The following DNAH9 variants were observed in gnomAD, a reference collection of about 807,000 sequenced individuals.
DNAH9 encodes DNAH9 variant protein.
A neutral mutation model predicts 471.6 loss-of-function variants in DNAH9; 345 were observed. The observed-to-expected ratio is 0.73, with a 90% confidence interval of 0.67 to 0.80. DNAH9 has a LOEUF of 0.80. DNAH9 is among the 30% of genes least tolerant of loss of function. The pLI, the probability that DNAH9 is intolerant of heterozygous loss-of-function variation, is 0.00. For missense variants in DNAH9, 5,407 were observed against 5,609.2 expected, an observed-to-expected ratio of 0.96 and a Z score of 1.15; for synonymous variants, 2,093 against 2,123.6, an observed-to-expected ratio of 0.99 and a Z score of 0.40.
Position 11,619,556 on chromosome 17 carries a change from T to G in DNAH9, c.1125T>G (p.Asn375Lys). The G allele has an allele frequency of 6.2e-7, 1 of 1,608,968 alleles. No individual in the cohort carries two copies. Among genetic ancestry groups the G allele is most frequent in the Non-Finnish European group, 8.5e-7 (1 of 1,175,286 alleles). ...ATCTGTTTGTATACCAGGCCTCTAA[T>G]TATCTCAGCCCAGAAGACCTGCTGA... ...ICNLLIQQAS[N>K]YLSPEDLLRS... is the part of the protein sequence containing the mutation. The change falls in exon 6 of 69, where the codon AAT becomes AAG. Residue 375 changes from asparagine (N) to lysine (K), a missense_variant. This residue lies in a region of DNAH9 where 767 missense variants were observed against 692.5 expected (regional missense o/e 1.11). Transcript: ENST00000262442.
At chr17:11,720,801 A>G (rs775754879) in intron 27 of DNAH9, among the ~76,000 whole-genome samples, 10 of 152,292 alleles carry the variant, frequency 6.6e-5, no homozygotes, top group Non-Finnish European at 1.3e-4. Context: ...CTAGACCCAA[A>G]AAACTTGTCT....
At chr17:11,767,452 AT>A (rs1173357885) in intron 36 of DNAH9, among the ~76,000 whole-genome samples, 2 of 152,198 alleles carry the variant, frequency 1.3e-5, no homozygotes, top group African/African-American at 2.4e-5. Flanking sequence ...AAAGAATTCA[AT>A]CCTATTTATT....
At chr17:11,891,422 G>A (rs1265317672) in intron 57 of DNAH9, among the ~76,000 whole-genome samples, 2 of 152,158 alleles carry the variant, frequency 1.3e-5, no homozygotes, top group Non-Finnish European at 2.9e-5. Flanking sequence ...CTGGAATGCA[G>A]TGGCACCATC....
At chr17:11,694,738 T>C (rs868411240) in intron 22 of DNAH9, among the ~76,000 whole-genome samples, 398 of 2,570 alleles carry the variant, frequency 0.15, 176 homozygotes, top group East Asian at 0.95. Flanking sequence ...TTCTCTTTCT[T>C]TCTTTCTTTC....
chr17:11,743,568 G>A (rs530814687), intron 30 of DNAH9, among the ~76,000 whole-genome samples: 10 of 152,234 alleles, frequency 6.6e-5, no homozygotes, highest in Admixed American at 1.3e-4. Flanking sequence ...AACAGCAGCG[G>A]CTCACAGCTC....
chr17:11,695,197 C>T (rs976956394), intron 22 of DNAH9, among the ~76,000 whole-genome samples: 7 of 151,998 alleles, frequency 4.6e-5, no homozygotes, highest in African/African-American at 1.7e-4. Context: ...CACCTCGGAG[C>T]TTTCTTAATC....
chr17:11,611,537 G>A (rs1372705434), intron 3 of DNAH9, 113 bp from the exon 4 acceptor site: 13 of 1,122,872 alleles, frequency 1.2e-5, no homozygotes, highest in African/African-American at 9.3e-5. Flanking sequence ...CACAGCCTCT[G>A]TGGAAGCACC....
intron 19 of DNAH9, among the ~76,000 whole-genome samples, chr17:11,689,230 T>G (rs1227389442): frequency 3.3e-5 from 5 of 152,140 alleles, no homozygotes. Flanking sequence ...AACCAACAGC[T>G]AGATGAAGGG....
At chr17:11,680,003 A>G in intron 18 of DNAH9, 24 bp downstream of exon 18, 1 of 1,567,258 alleles carries the variant, frequency 6.4e-7, no homozygotes, top group African/African-American at 1.4e-5. Flanking sequence ...TGTCTTCCTT[A>G]TAAAAGAAAT....
chr17:11,694,085 G>C (rs2074386276), intron 21 of DNAH9, 87 bp downstream of exon 21: 1 of 1,510,838 alleles, frequency 6.6e-7, no homozygotes, highest in Admixed American at 1.9e-5. Context: ...GCAGAAGTGA[G>C]TATGGGTGCC....
At chr17:11,787,167 C>T (rs1298188608) in intron 41 of DNAH9, among the ~76,000 whole-genome samples, 2 of 152,212 alleles carry the variant, frequency 1.3e-5, no homozygotes, top group Non-Finnish European at 2.9e-5. Context: ...CCAGCAAAGC[C>T]ACGTGGTGGA....
At chr17:11,688,354 G>C (rs2074275434) in intron 19 of DNAH9, among the ~76,000 whole-genome samples, 1 of 152,180 alleles carries the variant, frequency 6.6e-6, no homozygotes, top group Non-Finnish European at 1.5e-5. Flanking sequence ...GATGCAGAAG[G>C]GAGTGGCCCA....
At chr17:11,887,027 G>C (rs1314389423) in intron 57 of DNAH9, 62 bp downstream of exon 57, 37 of 1,537,326 alleles carry the variant, frequency 2.4e-5, no homozygotes, top group Non-Finnish European at 3.0e-5. Flanking sequence ...TGCCAATGCA[G>C]CTCTCTGTGA....
At chr17:11,619,513 A>G (rs2072810610) in intron 5 of DNAH9, 35 bp from the exon 6 acceptor site, 8 of 1,243,370 alleles carry the variant, frequency 6.4e-6, no homozygotes, top group Non-Finnish European at 9.5e-6. Context: ...GGATGTCTGC[A>G]CCTGCTCAGT....
At chr17:11,744,396 C>T (rs2075483016) in intron 30 of DNAH9, among the ~76,000 whole-genome samples, 1 of 152,148 alleles carries the variant, frequency 6.6e-6, no homozygotes, top group African/African-American at 2.4e-5. Context: ...ACCTCTTTTC[C>T]CATAGAATGT....
intron 67 of DNAH9, among the ~76,000 whole-genome samples, chr17:11,954,555 CTG>C (rs1414221607): frequency 2.6e-5 from 4 of 151,818 alleles, no homozygotes; most frequent in African/African-American, 9.7e-5. Context: ...AAGAAAAAAA[CTG>C]TAAACTTAGA....
In DNAH9 at chr17:11,892,774, A is replaced by T. The variant is rs545548852; in HGVS notation, c.11283+827A>T. Reference sequence around the variant, plus strand: ...TCACCATATTGGCCAGGCTCGTCTCAAACTCCTGACCTCAGGTGATCCACC... The same window carrying T: ...TCACCATATTGGCCAGGCTCGTCTCTAACTCCTGACCTCAGGTGATCCACC... On this transcript the variant is annotated intron_variant, in intron 58 of 68. Transcript: ENST00000262442. This position sits in a 1 kb window ranked among gnomAD's most constrained non-coding sequence, Gnocchi z 4.3. Among the ~76,000 whole-genome samples the T allele has an allele frequency of 6.6e-6, 1 of 152,088 alleles. No individual in the cohort carries two copies. The highest frequency in any genetic ancestry group is 2.1e-4 in the South Asian group (1 of 4,812).
intron 38 of DNAH9, among the ~76,000 whole-genome samples, chr17:11,774,353 C>G (rs553330868): frequency 1.3e-5 from 2 of 152,212 alleles, no homozygotes; most frequent in Admixed American, 6.5e-5. Flanking sequence ...AACTTACTTG[C>G]ATTAGTCTGT....
intron 17 of DNAH9, among the ~76,000 whole-genome samples, chr17:11,672,355 C>A (rs1175818864): frequency 6.6e-6 from 1 of 152,192 alleles, no homozygotes; most frequent in Non-Finnish European, 1.5e-5. Context: ...TTTGCTCCAA[C>A]TGAAACCTGG....
Sources: gnomAD v4.1 joint callset for allele counts (sites outside exome capture counted in the v4.1 genomes callset) on GRCh38, gnomAD v4.1.1 for gene constraint, gnomAD v4.1.1 regional missense constraint, Gnocchi (gnomAD v3.1) non-coding constraint, MANE v1.5 for transcripts, NCBI Gene and HGNC (gene_info 2026-07-23, HGNC 2026-07-21) for gene names.